C5: variants seen among roughly 807,000 people sequenced by gnomAD.
The protein encoded by C5 is complement C5.
In C5, 140 loss-of-function variants were observed where a neutral mutation model predicts 218.8. The ratio of observed to expected loss-of-function variants is 0.64; its 90% CI spans 0.56 to 0.74. C5 has a LOEUF of 0.74. Among genes scored for constraint, C5 ranks in the 30% least tolerant of loss-of-function variants. The pLI, the probability that C5 is intolerant of heterozygous loss-of-function variation, is 0.00. For synonymous variants in C5, 614 were observed against 682.3 expected (o/e 0.90, Z 1.56); for missense variants, 1,700 against 1,969.6 (o/e 0.86, Z 2.59).
At chr9:121,044,588 A>G (rs935360898) in intron 2 of C5, among the ~76,000 whole-genome samples, 8 of 152,240 alleles carry the variant, frequency 5.3e-5, no homozygotes, top group African/African-American at 1.7e-4. Flanking sequence ...CCACACTTAA[A>G]AGACCTTGGT....
Position 120,974,915 on chromosome 9 carries a change from A to G in C5, c.3881T>C (p.Ile1294Thr), listed in dbSNP as rs1448530884. ...FYSTQDTINAIEGLTEYSLLV... is the reference protein window; with the variant it reads ...FYSTQDTINATEGLTEYSLLV... ...GAGTGAATATTCCGTCAGGCCCTCA[A>G]TGGCATTGATTGTGTCCTGTCAGCA... Residue 1294 changes from isoleucine (I) to threonine (T), a missense_variant, in exon 30 of 41, where the codon ATT (isoleucine) becomes ACT (threonine). Physicochemically the swap from Ile to Thr is moderately conservative, Grantham distance 89. Coordinates refer to ENST00000223642, the MANE Select transcript of C5 (RefSeq NM_001735.3). 3.1e-6 allele frequency: 5 copies of G among 1,614,188 alleles called. No homozygotes were observed. The East Asian group carries it at 6.7e-5, about 22-fold the overall frequency.
rs761419562 is a variant in C5, at chr9:121,017,461, A to G, written c.1767T>C (p.Ser589=). ...AATCCATTCCAGTTGCCATATTAAG[A>G]GACACAGTTTGGCCTGGAGAATATG... ...ADAYSPGQTV[S]LNMATGMDSW... is the part of the protein sequence containing the mutation. The change falls in exon 14 of 41, where the codon TCT becomes TCC. Residue 589 remains serine, a synonymous_variant. Transcript: ENST00000223642. 1.9e-6 allele frequency: 3 copies of G among 1,613,978 alleles called. No individual in the cohort carries two copies. In the East Asian group the frequency reaches 6.7e-5, roughly 36 times the overall value.
At chr9:120,973,011 C>A (rs2046926308) in intron 30 of C5, among the ~76,000 whole-genome samples, 1 of 152,182 alleles carries the variant, frequency 6.6e-6, no homozygotes, top group East Asian at 1.9e-4. Flanking sequence ...AGTCACCACA[C>A]TTAATCACAT....
rs149787751 is a variant in C5 at position 121,005,930 on chromosome 9, A to G, written c.2551T>C (p.Ser851Pro). 4.3e-6 allele frequency: 7 copies of G among 1,613,604 alleles called. No homozygotes were observed. Among genetic ancestry groups the G allele is most frequent in the Non-Finnish European group, 5.9e-6 (7 of 1,179,686 alleles). ...LKGTVYNYRT[S>P]GMQFCVKMSA... ...TAACACCTACTTACCTGCATCCCAGAAGTCCTATAGTTGTAAACAGTTCCT... is the reference window on the plus strand; with the variant it reads ...TAACACCTACTTACCTGCATCCCAGGAGTCCTATAGTTGTAAACAGTTCCT... The change falls in exon 20 of 41, where the codon TCT (serine) becomes CCT (proline). Residue 851 changes from serine (S) to proline (P), a missense_variant. Physicochemically the swap from Ser to Pro is moderately conservative, Grantham distance 74. Transcript: ENST00000223642.
chr9:121,009,109 T>C (rs1027929465), intron 17 of C5, among the ~76,000 whole-genome samples: 2 of 152,224 alleles, frequency 1.3e-5, no homozygotes, highest in Non-Finnish European at 2.9e-5. Context: ...CACTTATATA[T>C]ATAATTGTAA....
At chr9:121,016,211 T>G (rs751583941) in intron 15 of C5, 43 bp downstream of exon 15, 1 of 1,612,402 alleles carries the variant, frequency 6.2e-7, no homozygotes, top group East Asian at 2.2e-5. Flanking sequence ...GGGGGGCAAA[T>G]GATCAATGGG....
At chr9:120,960,556 C>T (rs2046819640) in intron 37 of C5, among the ~76,000 whole-genome samples, 1 of 152,232 alleles carries the variant, frequency 6.6e-6, no homozygotes, top group Non-Finnish European at 1.5e-5. Context: ...TTGAGCATGT[C>T]ACAAGCTTGT....
chr9:120,991,366 A>G (rs1587964766), intron 22 of C5, 86 bp from the exon 23 acceptor site: 1 of 783,886 alleles, frequency 1.3e-6, no homozygotes, highest in South Asian at 1.5e-5. Flanking sequence ...CTTCCAAAGA[A>G]TATTTCAAAA....
In C5 at chr9:121,017,624, C is replaced by T; in HGVS notation, c.1716+19G>A. On this transcript the variant is annotated intron_variant, in intron 13 of 40. Coordinates refer to ENST00000223642, the MANE Select transcript of C5 (RefSeq NM_001735.3). ...CATTGAAAAGAAAATTCAATTGTGA[C>T]TTATAATTTGTGGCTTACCTGGAGC... The T allele has an allele frequency of 6.2e-7, 1 of 1,610,182 alleles. No homozygotes were observed. Among genetic ancestry groups the T allele is most frequent in the South Asian group, 1.1e-5 (1 of 90,964 alleles).
At chr9:121,064,841 G>C in the C5 span, among the ~76,000 whole-genome samples, 1 of 152,132 alleles carries the variant, frequency 6.6e-6, no homozygotes, top group Non-Finnish European at 1.5e-5. Context: ...GAGGAAGGCG[G>C]ATCAGCTGAG....
chr9:120,976,621 G>A lies in C5; in HGVS notation c.3864+79C>T, dbSNP rs766962116. On this transcript the variant is annotated intron_variant, in intron 29 of 40. Transcript: ENST00000223642. ...TTGCATGCTCATTTGGTGGACAAAG[G>A]CATGGAGGCCAGATGAGTGTGGTGG... 37 of 1,141,012 alleles carry A rather than the reference G, an allele frequency of 3.2e-5. No homozygotes were observed. The African/African-American group carries it at 4.8e-4, about 15-fold the overall frequency. 70.7% of individuals were successfully genotyped at this position (1,141,012 alleles called of 1,614,324 possible). A position where few individuals can be genotyped will look rare whatever the true frequency, so the allele number is the denominator to read the frequency against.
intron 17 of C5, among the ~76,000 whole-genome samples, chr9:121,011,673 G>A (rs1193758115): frequency 2.0e-5 from 3 of 152,128 alleles, no homozygotes; most frequent in East Asian, 3.8e-4. Flanking sequence ...ATATCTGCAC[G>A]CCCATGTTTG....
In C5 at chr9:121,018,742, A is replaced by AAAGGAAGGAAGG. The variant is rs765624136; in HGVS notation, c.1507-902_1507-891dup. Among the ~76,000 whole-genome samples the AAAGGAAGGAAGG allele has an allele frequency of 2.9e-3, 291 of 99,186 alleles. 3 individuals carry two copies. The highest frequency in any genetic ancestry group is 4.5e-3 in the Non-Finnish European group (218 of 48,844). 65.1% of individuals were successfully genotyped at this position (99,186 alleles called of 152,430 possible). ...GAAAGAAAGAAGGAAGGAAGGAAGG[A>AAAGGAAGGAAGG]AAGGAAGGAAGGAAGGAAGGAAGGA... On this transcript the variant is annotated intron_variant, in intron 12 of 40. Transcript: ENST00000223642.
chr9:121,019,880 A>G, intron 12 of C5, 96 bp downstream of exon 12: 1 of 789,238 alleles, frequency 1.3e-6, no homozygotes, highest in Non-Finnish European at 2.2e-6. Context: ...TGCTTTGGGA[A>G]TAAAAGTATA....
chr9:121,030,586 T>C, intron 6 of C5, 99 bp from the exon 7 acceptor site: 1 of 661,520 alleles, frequency 1.5e-6, no homozygotes, highest in East Asian at 2.8e-5. Context: ...GGACAAGCTG[T>C]AACATCAACA....
chr9:121,025,234 GGACC>G (rs1295305662), intron 9 of C5, among the ~76,000 whole-genome samples: 1 of 151,934 alleles, frequency 6.6e-6, no homozygotes, highest in East Asian at 1.9e-4. Flanking sequence ...GAGGTAATAG[GGACC>G]CAATGGCTTG....
At chr9:120,996,631 A>G (rs2047118384) in intron 21 of C5, among the ~76,000 whole-genome samples, 2 of 152,258 alleles carry the variant, frequency 1.3e-5, no homozygotes, top group African/African-American at 2.4e-5. Flanking sequence ...ACTGACACAC[A>G]TGGAAATCAA....
At chr9:120,960,418 T>G (rs2046818475) in intron 37 of C5, 81 bp from the exon 38 acceptor site, 1 of 928,424 alleles carries the variant, frequency 1.1e-6, no homozygotes, top group Non-Finnish European at 1.8e-6. Flanking sequence ...CGGTTTCTCA[T>G]GAGCCCAGAG....
At chr9:120,958,339 C>T (rs554401991) in intron 38 of C5, among the ~76,000 whole-genome samples, 2 of 152,226 alleles carry the variant, frequency 1.3e-5, no homozygotes, top group South Asian at 4.1e-4. Flanking sequence ...GGCTTGTAGT[C>T]CAGAAAAAGC....
Sources: gnomAD v4.1 joint callset for allele counts (sites outside exome capture counted in the v4.1 genomes callset) on GRCh38, gnomAD v4.1.1 for gene constraint, MANE v1.5 for transcripts, NCBI Gene and HGNC (gene_info 2026-07-23, HGNC 2026-07-21) for gene names.